The following RARS1 variants were observed in gnomAD, a reference collection of about 807,000 sequenced individuals.
RARS1 encodes the protein arginyl-tRNA synthetase 1, also known as arginine--tRNA ligase, cytoplasmic.
A neutral mutation model predicts 78.7 loss-of-function variants in RARS1; 75 were observed. The observed-to-expected ratio is 0.95, with a 90% CI of 0.79 to 1.15. RARS1 has a LOEUF of 1.15. RARS1 is among the 50% of genes most tolerant of loss of function. The pLI, the probability that RARS1 is intolerant of heterozygous loss-of-function variation, is 0.00. For synonymous variants in RARS1, 273 were observed against 268.2 expected, an observed-to-expected ratio of 1.02 and a Z score of -0.18; for missense variants, 787 against 787.5, an observed-to-expected ratio of 1.00 and a Z score of 0.01.
intron 5 of RARS1, chr5:168,495,054 T>TA (rs1758155778): frequency 8.4e-6 from 4 of 474,194 alleles, no homozygotes; most frequent in Admixed American, 4.3e-5. Context: ...AGCCAATTGA[T>TA]ACACAGATAT....
intron 2 of RARS1, among the ~76,000 whole-genome samples, chr5:168,489,164 C>T (rs545520055): frequency 5.9e-5 from 9 of 152,130 alleles, no homozygotes; most frequent in African/African-American, 1.4e-4. Flanking sequence ...GGACTACAGG[C>T]GTGTGCCACC....
In RARS1 at chr5:168,502,077, T is replaced by C. The variant is rs1482006869; in HGVS notation, c.1029T>C (p.Asn343=). 6.2e-7 allele frequency: 1 copy of C among 1,604,262 alleles called. No individual in the cohort carries two copies. Among genetic ancestry groups the C allele is most frequent in the Non-Finnish European group, 8.5e-7 (1 of 1,175,434 alleles). The change falls in exon 9 of 15, where the codon AAT becomes AAC. Residue 343 remains asparagine (N), a synonymous_variant. Transcript: ENST00000231572. The part of the protein sequence containing the change: ...RGESFYQDRM[N]DIVKEFEDRG... ...AATCCTTCTATCAAGATAGGATGAA[T>C]GATATTGTAAAGGAATTTGAAGATA...
At chr5:168,518,808 A>G (rs1287255884) in intron 14 of RARS1, among the ~76,000 whole-genome samples, 1 of 152,190 alleles carries the variant, frequency 6.6e-6, no homozygotes. Context: ...GACTAGGAAA[A>G]TTTTTTAAAA....
chr5:168,492,751 A>G lies in RARS1; in HGVS notation c.273A>G (p.Ala91=), dbSNP rs1324363762. 3 of 1,613,434 alleles carry G rather than the reference A, an allele frequency of 1.9e-6. No individual in the cohort carries two copies. The highest frequency in any genetic ancestry group is 2.7e-5 in the African/African-American group (2 of 74,928). Residue 91 remains alanine, a synonymous_variant, in exon 3 of 15, where the codon GCA becomes GCG. Transcript: ENST00000231572. ...QEVFGHAIKA[A]YPDLENPPLL... ...TCTTTGGTCATGCAATTAAGGCTGCATATCCAGATTTGGAAAATCCTCCTC... is the reference window on the plus strand; with the variant it reads ...TCTTTGGTCATGCAATTAAGGCTGCGTATCCAGATTTGGAAAATCCTCCTC...
intron 12 of RARS1, among the ~76,000 whole-genome samples, chr5:168,512,979 A>T (rs1039082932): frequency 2.0e-5 from 3 of 151,322 alleles, no homozygotes; most frequent in Admixed American, 6.6e-5. Flanking sequence ...TGTGGTTAAA[A>T]TTTTCATTCC....
chr5:168,487,758 T>C (rs544216131), intron 1 of RARS1, among the ~76,000 whole-genome samples: 1 of 152,364 alleles, frequency 6.6e-6, no homozygotes, highest in African/African-American at 2.4e-5. Context: ...GCTTTATTTC[T>C]TTCTGAATTG....
chr5:168,515,999 A>G (rs868014449), intron 12 of RARS1, among the ~76,000 whole-genome samples: 23 of 152,194 alleles, frequency 1.5e-4, no homozygotes, highest in African/African-American at 5.5e-4. Context: ...CACCTCAGCA[A>G]GACCACTTCT....
chr5:168,486,643 A>G (rs1242870276), intron 1 of RARS1, 100 bp downstream of exon 1: 3 of 1,284,148 alleles, frequency 2.3e-6, no homozygotes, highest in Admixed American at 4.0e-5. Context: ...GGCGAGGACC[A>G]TCCTGGTCCT....
intron 7 of RARS1, among the ~76,000 whole-genome samples, chr5:168,500,223 C>T (rs907009534): frequency 9.5e-6 from 1 of 104,932 alleles, no homozygotes; most frequent in Non-Finnish European, 2.0e-5. Context: ...AAAAAAAAAA[C>T]GAAAAAAAAA....
chr5:168,508,939 A>G (rs1202853007), intron 11 of RARS1, among the ~76,000 whole-genome samples: 1 of 152,106 alleles, frequency 6.6e-6, no homozygotes, highest in Non-Finnish European at 1.5e-5. Context: ...TACACATGCA[A>G]GCCCCACTGT....
In RARS1 at chr5:168,506,812, G is replaced by T. The variant is rs372177964; in HGVS notation, c.1327G>T (p.Val443Leu). The T allele has an allele frequency of 6.2e-7, 1 of 1,611,678 alleles. No homozygotes were observed. The highest frequency in any genetic ancestry group is 1.3e-5 in the African/African-American group (1 of 74,866). The change falls in exon 11 of 15, where the codon GTG becomes TTG. Residue 443 changes from valine (V) to leucine (L), a missense_variant. Coordinates refer to ENST00000231572, the MANE Select transcript of RARS1 (RefSeq NM_002887.4). The part of the protein sequence containing the change: ...VTRVFHAGFG[V>L]VLGEDKKKFK... ...TCGAGTCTTCCATGCTGGATTTGGTGTGGTGCTAGGGGAAGACAAGTAAGT... is the reference window on the plus strand; with the variant it reads ...TCGAGTCTTCCATGCTGGATTTGGTTTGGTGCTAGGGGAAGACAAGTAAGT...
intron 2 of RARS1, among the ~76,000 whole-genome samples, chr5:168,489,284 G>A (rs1268051854): frequency 2.0e-5 from 3 of 152,158 alleles, no homozygotes; most frequent in Non-Finnish European, 4.4e-5. Flanking sequence ...GCCTCCCAAA[G>A]TGTTGGAATT....
At chr5:168,494,889 A>C in intron 5 of RARS1, 1 of 411,054 alleles carries the variant, frequency 2.4e-6, no homozygotes, top group Admixed American at 4.1e-5. Flanking sequence ...AACTGCATGG[A>C]AAGTGCTGAA....
chr5:168,507,968 T>G (rs1191663506), intron 11 of RARS1, among the ~76,000 whole-genome samples: 1 of 151,448 alleles, frequency 6.6e-6, no homozygotes, highest in East Asian at 2.0e-4. Flanking sequence ...GAAGTTACAG[T>G]GAGGCGAGAT....
At chr5:168,509,321 A>AT (rs1758515649) in intron 11 of RARS1, among the ~76,000 whole-genome samples, 2 of 152,116 alleles carry the variant, frequency 1.3e-5, no homozygotes, top group African/African-American at 4.8e-5. Flanking sequence ...GGGCAAGTAG[A>AT]TTCTTGCTTG....
chr5:168,507,737 GA>G (rs1758476051), intron 11 of RARS1, among the ~76,000 whole-genome samples: 1 of 152,086 alleles, frequency 6.6e-6, no homozygotes, highest in Non-Finnish European at 1.5e-5. Context: ...GCGCTTTTTT[GA>G]AATCAAAAGA....
At chr5:168,486,640 ACCAT>A in intron 1 of RARS1, 97 bp downstream of exon 1, 1 of 1,317,046 alleles carries the variant, frequency 7.6e-7, no homozygotes, top group Non-Finnish European at 1.1e-6. Context: ...CTAGGCGAGG[ACCAT>A]CCTGGTCCTC....
chr5:168,486,982 A>C (rs1460939491), intron 1 of RARS1, among the ~76,000 whole-genome samples: 1 of 152,150 alleles, frequency 6.6e-6, no homozygotes, highest in Non-Finnish European at 1.5e-5. Context: ...AGGATTCCTA[A>C]TAAGCCCATG....
At chr5:168,488,487 A>G in intron 1 of RARS1, 115 bp from the exon 2 acceptor site, 1 of 1,185,578 alleles carries the variant, frequency 8.4e-7, no homozygotes, top group Non-Finnish European at 1.2e-6. Context: ...GGAGAAAGAA[A>G]CACAGCTCAT....
Sources: allele counts gnomAD v4.1 joint callset (sites outside exome capture counted in the v4.1 genomes callset), GRCh38; gene constraint gnomAD v4.1.1; transcripts MANE v1.5; gene names NCBI Gene and HGNC (gene_info 2026-07-23, HGNC 2026-07-21).